The following HS2ST1 variants were observed in gnomAD, a reference collection of about 807,000 sequenced individuals.
HS2ST1 encodes heparan sulfate 2-O-sulfotransferase 1.
Under a neutral mutation model 42.9 loss-of-function variants are expected in HS2ST1, and 18 were observed. That is an observed-to-expected ratio of 0.42 (90% CI 0.29 to 0.62). HS2ST1 has a LOEUF of 0.62. HS2ST1 is among the 20% of genes least tolerant of loss of function. The pLI is 0.21. For synonymous variants in HS2ST1, 146 were observed against 152.9 expected, an observed-to-expected ratio of 0.95 and a Z score of 0.33; for missense variants, 334 against 433.8, an observed-to-expected ratio of 0.77 and a Z score of 2.04.
chr1:86,969,288 T>G (rs1386997734), intron 1 of HS2ST1, among the ~76,000 whole-genome samples: 1 of 152,236 alleles, frequency 6.6e-6, no homozygotes, highest in Non-Finnish European at 1.5e-5. Flanking sequence ...GATTTAAGGA[T>G]ACATTTTCTT....
chr1:86,951,368 C>T lies in HS2ST1; in HGVS notation c.124+36208C>T, dbSNP rs184681536. ...TCTCAGAAATATTATGGGTTCAATT[C>T]CAGAGCACCGAAATAAGGCAAATAG... is the stretch of plus-strand genomic sequence containing the variant. On this transcript the variant is annotated intron_variant, in intron 1 of 6. Coordinates refer to ENST00000370550, the MANE Select transcript of HS2ST1 (RefSeq NM_012262.4). 8.5e-5 allele frequency among the ~76,000 whole-genome samples: 13 copies of T among 152,146 alleles called. No individual in the cohort carries two copies. In the East Asian group the frequency reaches 2.3e-3, roughly 27 times the overall value.
At chr1:86,988,297 C>T (rs760795395) in intron 1 of HS2ST1, among the ~76,000 whole-genome samples, 8 of 152,164 alleles carry the variant, frequency 5.3e-5, no homozygotes, top group South Asian at 2.1e-4. Context: ...GTCTGGACTG[C>T]GAGTATGGGA....
intron 2 of HS2ST1, among the ~76,000 whole-genome samples, chr1:87,074,028 T>C (rs1275153462): frequency 6.6e-6 from 1 of 152,216 alleles, no homozygotes; most frequent in African/African-American, 2.4e-5. Flanking sequence ...GTCATCTCAC[T>C]ATTTAGCATA....
intron 1 of HS2ST1, among the ~76,000 whole-genome samples, chr1:87,058,306 C>T (rs144282495): frequency 5.3e-5 from 8 of 151,916 alleles, no homozygotes; most frequent in African/African-American, 1.9e-4. Context: ...AGCCCGTTCT[C>T]TCTTGAGCCA....
chr1:86,976,704 G>GTATGTGTATATATATA (rs1553134338), intron 1 of HS2ST1, among the ~76,000 whole-genome samples: 2 of 79,662 alleles, frequency 2.5e-5, no homozygotes, highest in African/African-American at 7.1e-5. Flanking sequence ...TTATAAAATT[G>GTATGTGTATATATATA]TATATATATA....
chr1:87,011,903 G>A (rs1211634858), intron 1 of HS2ST1, among the ~76,000 whole-genome samples: 1 of 152,150 alleles, frequency 6.6e-6, no homozygotes, highest in African/African-American at 2.4e-5. Context: ...AGGACATACG[G>A]TTTTATTTAT....
At chr1:87,014,155 A>G (rs1483216007) in intron 1 of HS2ST1, among the ~76,000 whole-genome samples, 1 of 152,178 alleles carries the variant, frequency 6.6e-6, no homozygotes, top group East Asian at 1.9e-4. Flanking sequence ...AATTTACTGT[A>G]TTAGTCTGTT....
At chr1:87,049,568 G>T (rs1281602376) in intron 1 of HS2ST1, among the ~76,000 whole-genome samples, 2 of 151,814 alleles carry the variant, frequency 1.3e-5, no homozygotes, top group African/African-American at 4.8e-5. Flanking sequence ...AGTATTTGTG[G>T]ACATTTCAAA....
At chr1:87,031,432 T>A (rs1650235070) in intron 1 of HS2ST1, among the ~76,000 whole-genome samples, 1 of 101,316 alleles carries the variant, frequency 9.9e-6, no homozygotes, top group South Asian at 5.0e-4. Context: ...AGATTATTTA[T>A]AAGATTCATT....
intron 2 of HS2ST1, among the ~76,000 whole-genome samples, chr1:87,079,283 A>C (rs1651623618): frequency 6.6e-6 from 1 of 152,042 alleles, no homozygotes. Context: ...GATTACAGGC[A>C]TGAGCCACCA....
intron 1 of HS2ST1, among the ~76,000 whole-genome samples, chr1:87,059,228 G>A (rs991869339): frequency 7.2e-5 from 11 of 152,084 alleles, no homozygotes; most frequent in African/African-American, 2.7e-4. Context: ...TAATCATTAT[G>A]CTAGTATATT....
chr1:86,965,593 G>A (rs960704223), intron 1 of HS2ST1, among the ~76,000 whole-genome samples: 2 of 151,962 alleles, frequency 1.3e-5, no homozygotes, highest in South Asian at 2.1e-4. Flanking sequence ...CACTGTGTGG[G>A]CCCCACTTTT....
chr1:87,007,811 A>G (rs1412977249), intron 1 of HS2ST1, among the ~76,000 whole-genome samples: 1 of 152,048 alleles, frequency 6.6e-6, no homozygotes, highest in Admixed American at 6.6e-5. Context: ...ATAGCATCAA[A>G]TTCTCCTTGA....
intron 2 of HS2ST1, among the ~76,000 whole-genome samples, chr1:87,079,924 T>C (rs1291895834): frequency 6.6e-6 from 1 of 151,002 alleles, no homozygotes; most frequent in East Asian, 1.9e-4. Flanking sequence ...GGTGTACTCC[T>C]GCAGTGCTGG....
intron 1 of HS2ST1, among the ~76,000 whole-genome samples, chr1:86,980,741 T>C (rs1056224771): frequency 6.6e-6 from 1 of 152,218 alleles, no homozygotes; most frequent in African/African-American, 2.4e-5. Flanking sequence ...AGGAAGGTAG[T>C]TCTTATTTTT....
At chr1:86,955,955 C>T (rs991887688) in intron 1 of HS2ST1, among the ~76,000 whole-genome samples, 2 of 152,130 alleles carry the variant, frequency 1.3e-5, no homozygotes, top group Non-Finnish European at 2.9e-5. Flanking sequence ...TGCCACTGTA[C>T]TCCAGCCTGG....
intron 1 of HS2ST1, among the ~76,000 whole-genome samples, chr1:87,060,326 G>C (rs769835185): frequency 2.0e-5 from 3 of 151,836 alleles, no homozygotes; most frequent in Non-Finnish European, 4.4e-5. Flanking sequence ...ATTTTAAAAG[G>C]CATTTGCAAA....
At chr1:87,078,281 G>C (rs1222180116) in intron 2 of HS2ST1, among the ~76,000 whole-genome samples, 1 of 152,184 alleles carries the variant, frequency 6.6e-6, no homozygotes, top group African/African-American at 2.4e-5. Context: ...ACTACTGTTA[G>C]TGAGAAGGGT....
intron 1 of HS2ST1, among the ~76,000 whole-genome samples, chr1:86,942,294 T>G (rs922067672): frequency 1.3e-5 from 2 of 152,236 alleles, no homozygotes; most frequent in African/African-American, 4.8e-5. Flanking sequence ...CAGCCAACTC[T>G]TTCATCTTTA....
Sources: allele counts gnomAD v4.1 joint callset (sites outside exome capture counted in the v4.1 genomes callset), GRCh38; gene constraint gnomAD v4.1.1; transcripts MANE v1.5; gene names NCBI Gene and HGNC (gene_info 2026-07-23, HGNC 2026-07-21).